The following TTC7B variants were observed in gnomAD, a reference collection of about 807,000 sequenced individuals.
The protein encoded by TTC7B is tetratricopeptide repeat domain 7B, also known as tetratricopeptide repeat protein 7B.
A neutral mutation model predicts 106.8 loss-of-function variants in TTC7B; 28 were observed. The observed-to-expected ratio is 0.26, with a 90% CI of 0.19 to 0.36. TTC7B has a LOEUF of 0.36. TTC7B is among the 10% of genes least tolerant of loss of function. The probability of loss-of-function intolerance (pLI) is 1.00; values close to 1 mark genes in which losing one functional copy is unlikely to be tolerated. For synonymous variants in TTC7B, 405 were observed against 430.6 expected (o/e 0.94, Z 0.74); for missense variants, 862 against 1,076.4 (o/e 0.80, Z 2.79).
At chr14:90,674,334 C>T (rs1274187952) in intron 9 of TTC7B, among the ~76,000 whole-genome samples, 1 of 152,248 alleles carries the variant, frequency 6.6e-6, no homozygotes, top group Non-Finnish European at 1.5e-5. Flanking sequence ...ATGGGCCAGG[C>T]AGCCTTGAGA....
At chr14:90,753,177 A>G (rs1566870884) in intron 3 of TTC7B, among the ~76,000 whole-genome samples, 1 of 152,260 alleles carries the variant, frequency 6.6e-6, no homozygotes, top group African/African-American at 2.4e-5. Flanking sequence ...GACATGAACT[A>G]TGTACTATAA....
intron 7 of TTC7B, among the ~76,000 whole-genome samples, chr14:90,688,383 G>T (rs1334099291): frequency 6.6e-6 from 1 of 152,076 alleles, no homozygotes; most frequent in Non-Finnish European, 1.5e-5. Context: ...CCAGCACTTT[G>T]GGAGGACAAG....
chr14:90,572,423 C>T (rs1242746124), intron 19 of TTC7B, among the ~76,000 whole-genome samples: 1 of 152,224 alleles, frequency 6.6e-6, no homozygotes, highest in East Asian at 1.9e-4. Flanking sequence ...ATCTCCCAAA[C>T]CTACCATCAA....
chr14:90,673,131 C>G (rs1393708527), intron 9 of TTC7B, among the ~76,000 whole-genome samples: 1 of 152,038 alleles, frequency 6.6e-6, no homozygotes. Context: ...GGGTGAGGTG[C>G]CAGTGGAGGA....
chr14:90,683,808 G>A (rs1263551412), intron 7 of TTC7B, among the ~76,000 whole-genome samples: 2 of 152,278 alleles, frequency 1.3e-5, no homozygotes, highest in East Asian at 3.9e-4. Flanking sequence ...GTACACCAGA[G>A]GCAAGGAGAT....
intron 1 of TTC7B, among the ~76,000 whole-genome samples, chr14:90,798,641 C>G (rs919519783): frequency 7.9e-6 from 1 of 127,212 alleles, no homozygotes; most frequent in Non-Finnish European, 1.6e-5. Flanking sequence ...ACCTGGGAGG[C>G]AGAGGTTGCA....
In TTC7B at chr14:90,528,114, C is replaced by T. The variant is rs1026401047; in HGVS notation, c.*13254G>A. The T allele has an allele frequency of 6.6e-6, 1 of 152,120 alleles. No individual in the cohort carries two copies. The highest frequency in any genetic ancestry group is 2.4e-5 in the African/African-American group (1 of 41,422). The allele number at this position is 152,120 out of a possible 1,614,324, so 9.4% of individuals were successfully genotyped here. On this transcript the variant is annotated 3_prime_UTR_variant, in exon 20 of 20. Coordinates refer to ENST00000328459, the MANE Select transcript of TTC7B (RefSeq NM_001010854.2). ...ATAGCCATGGGGTCGCCTGCTGCCT[C>T]CCGGTTACCCATACAAACCATGGAA... is the stretch of plus-strand genomic sequence containing the variant.
intron 5 of TTC7B, among the ~76,000 whole-genome samples, chr14:90,702,675 T>A (rs1197232819): frequency 6.6e-6 from 1 of 152,254 alleles, no homozygotes; most frequent in Non-Finnish European, 1.5e-5. Flanking sequence ...CTTTGCTATT[T>A]ACTGAAAGTC....
chr14:90,627,825 C>T (rs931949931), intron 15 of TTC7B, among the ~76,000 whole-genome samples: 6 of 152,182 alleles, frequency 3.9e-5, no homozygotes, highest in Admixed American at 1.3e-4. Flanking sequence ...CAGTTTGGCT[C>T]ATTTTTTGCT....
chr14:90,590,490 C>A (rs920275776), intron 18 of TTC7B, among the ~76,000 whole-genome samples: 1 of 152,176 alleles, frequency 6.6e-6, no homozygotes, highest in South Asian at 2.1e-4. Context: ...CACTCAGACA[C>A]CATGGCTTTG....
At chr14:90,684,730 T>G (rs997039086) in intron 7 of TTC7B, among the ~76,000 whole-genome samples, 1 of 152,308 alleles carries the variant, frequency 6.6e-6, no homozygotes, top group Non-Finnish European at 1.5e-5. Context: ...GGGTGGTGAC[T>G]GGAAGAGGCC....
At chr14:90,545,660 G>A (rs1302020932) in intron 19 of TTC7B, among the ~76,000 whole-genome samples, 1 of 152,248 alleles carries the variant, frequency 6.6e-6, no homozygotes, top group African/African-American at 2.4e-5. Flanking sequence ...CTGGAGTGGG[G>A]AGAACCCACC....
intron 15 of TTC7B, among the ~76,000 whole-genome samples, chr14:90,632,826 T>C (rs770441321): frequency 6.6e-6 from 1 of 152,218 alleles, no homozygotes; most frequent in South Asian, 2.1e-4. Context: ...CTACCCACCA[T>C]AGATAGTTCT....
rs147938136 is a variant in TTC7B at position 90,714,328 on chromosome 14, A to T, written c.698+15747T>A. Among the ~76,000 whole-genome samples, 14 of 152,348 alleles carry T rather than the reference A, an allele frequency of 9.2e-5. No individual in the cohort carries two copies. In the East Asian group the frequency reaches 2.7e-3, roughly 29 times the overall value. On this transcript the variant is annotated intron_variant, in intron 5 of 19. Coordinates refer to ENST00000328459, the MANE Select transcript of TTC7B (RefSeq NM_001010854.2). Reference sequence around the variant, plus strand: ...AAGGCGAATCTATAGACACAGAGCCACAGAGCAAATAAGTGGTTGCCTGGG... The same window carrying T: ...AAGGCGAATCTATAGACACAGAGCCTCAGAGCAAATAAGTGGTTGCCTGGG...
chr14:90,598,451 T>A (rs1207015058), intron 17 of TTC7B, among the ~76,000 whole-genome samples: 1 of 151,966 alleles, frequency 6.6e-6, no homozygotes, highest in Admixed American at 6.6e-5. Context: ...CCTCTCTCCA[T>A]CACCATGCAT....
chr14:90,777,474 G>A (rs72695522), intron 3 of TTC7B, among the ~76,000 whole-genome samples: 6 of 152,194 alleles, frequency 3.9e-5, no homozygotes, highest in Admixed American at 6.5e-5. Context: ...GCAGGCTTCC[G>A]ATTCCCAATC....
intron 5 of TTC7B, among the ~76,000 whole-genome samples, chr14:90,709,186 G>T (rs1196297025): frequency 6.6e-6 from 1 of 152,090 alleles, no homozygotes; most frequent in East Asian, 1.9e-4. Flanking sequence ...CCATTACCGG[G>T]TATATACCCA....
chr14:90,614,609 G>A (rs950585333), intron 16 of TTC7B, among the ~76,000 whole-genome samples: 5 of 152,254 alleles, frequency 3.3e-5, no homozygotes, highest in Admixed American at 3.3e-4. Flanking sequence ...GAGCATTGAT[G>A]TTAGGCCTGG....
chr14:90,595,231 G>C (rs1157444232), intron 17 of TTC7B, among the ~76,000 whole-genome samples: 1 of 152,172 alleles, frequency 6.6e-6, no homozygotes, highest in African/African-American at 2.4e-5. Context: ...TACTCAGGAG[G>C]CTGAGGCAGG....
Sources: allele counts gnomAD v4.1 joint callset (sites outside exome capture counted in the v4.1 genomes callset), GRCh38; gene constraint gnomAD v4.1.1; transcripts MANE v1.5; gene names NCBI Gene and HGNC (gene_info 2026-07-23, HGNC 2026-07-21).